Variants in RIMS2 observed in about 807,000 individuals in gnomAD.
RIMS2 encodes regulating synaptic membrane exocytosis 2, also known as regulating synaptic membrane exocytosis protein 2.
In RIMS2, 59 loss-of-function variants were observed where a neutral mutation model predicts 174.4. That is an observed-to-expected ratio of 0.34 (90% CI 0.27 to 0.42). RIMS2 has a LOEUF of 0.42. RIMS2 is among the 10% of genes least tolerant of loss of function. The pLI is 1.00. For synonymous variants in RIMS2, 606 were observed against 572.5 expected, an observed-to-expected ratio of 1.06 and a Z score of -0.84; for missense variants, 1,620 against 1,666.3, an observed-to-expected ratio of 0.97 and a Z score of 0.48.
intron 19 of RIMS2, among the ~76,000 whole-genome samples, chr8:104,118,861 C>T (rs1468163651): frequency 6.6e-6 from 1 of 152,104 alleles, no homozygotes. Context: ...TGGCAGAAAT[C>T]AGAGAAAGGG....
At chr8:104,067,479 TCC>T (rs2097125792) in intron 19 of RIMS2, among the ~76,000 whole-genome samples, 1 of 152,142 alleles carries the variant, frequency 6.6e-6, no homozygotes, top group East Asian at 1.9e-4. Context: ...CACTGCAGCC[TCC>T]CAACTCCTGG....
chr8:104,205,095 G>A (rs913302079), intron 19 of RIMS2, among the ~76,000 whole-genome samples: 4 of 152,124 alleles, frequency 2.6e-5, no homozygotes, highest in Non-Finnish European at 5.9e-5. Context: ...TCCAGATCTA[G>A]CCATCTGGAG....
rs560865208 is a variant in RIMS2, at chr8:104,041,189, C to G, written c.3334+26574C>G. On this transcript the variant is annotated intron_variant, in intron 19 of 23. Transcript: ENST00000504942. ...TGTGGAATGCATTTGATTATATCTT[C>G]CCTAAAACTGTACACAGGATTCTTT... 2.1e-5 allele frequency: 9 copies of G among 428,968 alleles called. No individual in the cohort carries two copies. In the South Asian group the frequency reaches 6.0e-4, roughly 29 times the overall value. The allele number at this position is 428,968 out of a possible 1,614,324, so 26.6% of individuals were successfully genotyped here.
At chr8:103,635,400 C>A (rs2096052595) in intron 1 of RIMS2, among the ~76,000 whole-genome samples, 1 of 152,064 alleles carries the variant, frequency 6.6e-6, no homozygotes. Flanking sequence ...GAGGCCCAGG[C>A]CTGGATGACC....
intron 2 of RIMS2, among the ~76,000 whole-genome samples, chr8:103,740,224 G>A (rs193052691): frequency 1.4e-4 from 22 of 152,244 alleles, no homozygotes; most frequent in Admixed American, 5.9e-4. Flanking sequence ...AAGAATATAC[G>A]TTGTTAACAT....
intron 19 of RIMS2, among the ~76,000 whole-genome samples, chr8:104,076,973 C>A (rs556057759): frequency 6.6e-6 from 1 of 152,136 alleles, no homozygotes; most frequent in South Asian, 2.1e-4. Flanking sequence ...CGTGCCACCA[C>A]ACCCAGCTAA....
At position 103,523,521 on chromosome 8, in the gene RIMS2, A is replaced by G. The variant is rs533297821; in HGVS notation, c.176+22459A>G. Among the ~76,000 whole-genome samples, 3 of 152,304 alleles carry G rather than the reference A, an allele frequency of 2.0e-5. No homozygotes were observed. In the South Asian group the frequency reaches 6.2e-4, roughly 32 times the overall value. On this transcript the variant is annotated intron_variant, in intron 1 of 23. Coordinates refer to ENST00000504942, the Ensembl canonical transcript of RIMS2. ...TGAAAATGGACCAGTAGGTTGGGGC[A>G]GGATTAGGCAGGGACTTGTATGACA...
chr8:104,188,232 T>TAGATAGAC (rs758993478), intron 19 of RIMS2, among the ~76,000 whole-genome samples: 1 of 134,890 alleles, frequency 7.4e-6, no homozygotes, highest in Non-Finnish European at 1.6e-5. Context: ...GATAGATAGA[T>TAGATAGAC]AGATAGATAG....
intron 3 of RIMS2, among the ~76,000 whole-genome samples, chr8:103,796,154 A>G (rs769579364): frequency 9.2e-5 from 14 of 151,988 alleles, no homozygotes; most frequent in Admixed American, 1.3e-4. Flanking sequence ...TTTCAACTTT[A>G]TTTACTGCTC....
intron 19 of RIMS2, among the ~76,000 whole-genome samples, chr8:104,097,947 G>GT (rs1282062377): frequency 3.9e-5 from 6 of 152,156 alleles, no homozygotes; most frequent in Non-Finnish European, 5.9e-5. Context: ...TTACCTCAGA[G>GT]TTTAACATTT....
chr8:104,140,599 A>T (rs1483908201), intron 19 of RIMS2, among the ~76,000 whole-genome samples: 1 of 152,152 alleles, frequency 6.6e-6, no homozygotes, highest in Admixed American at 6.5e-5. Context: ...CTTTGAACAG[A>T]ACAATTAGAG....
At chr8:103,612,703 C>A (rs2095411538) in intron 1 of RIMS2, among the ~76,000 whole-genome samples, 1 of 152,130 alleles carries the variant, frequency 6.6e-6, no homozygotes, top group Admixed American at 6.6e-5. Context: ...CTCAGCCTCT[C>A]AAGTGGCTGG....
intron 17 of RIMS2, among the ~76,000 whole-genome samples, chr8:104,008,144 A>G (rs1423410143): frequency 6.6e-6 from 1 of 152,148 alleles, no homozygotes; most frequent in African/African-American, 2.4e-5. Flanking sequence ...ATTTTATGGA[A>G]TCTGAGAATC....
At chr8:103,931,054 ATCAG>A (rs1216056529) in intron 11 of RIMS2, among the ~76,000 whole-genome samples, 4 of 152,266 alleles carry the variant, frequency 2.6e-5, no homozygotes, top group East Asian at 1.9e-4. Context: ...CACATGCTTG[ATCAG>A]TCAAACTGAA....
intron 19 of RIMS2, among the ~76,000 whole-genome samples, chr8:104,194,703 A>G (rs775550590): frequency 6.6e-6 from 1 of 152,174 alleles, no homozygotes; most frequent in Non-Finnish European, 1.5e-5. Context: ...ATAGTGTTTA[A>G]TACTGTTTGG....
chr8:103,885,578 G>A lies in RIMS2; in HGVS notation c.979G>A (p.Glu327Lys), dbSNP rs200264682. Residue 327 changes from glutamate (E) to lysine (K), a missense_variant, in exon 4 of 24, where the codon GAA becomes AAA. Coordinates refer to ENST00000504942, the Ensembl canonical transcript of RIMS2. ...TGAATACGAAAGGCAAAGGAGAGAGGAAGAGTACCAGTCACGCTACCGAAG... is the reference window on the plus strand; with the variant it reads ...TGAATACGAAAGGCAAAGGAGAGAGAAAGAGTACCAGTCACGCTACCGAAG... 3.2e-5 allele frequency: 52 copies of A among 1,612,806 alleles called. No homozygotes were observed. The highest frequency in any genetic ancestry group is 4.2e-5 in the Non-Finnish European group (50 of 1,179,388).
downstream of RIMS2, chr8:104,252,933 A>G (rs1237834786): frequency 6.6e-6 from 1 of 152,122 alleles, no homozygotes; most frequent in Non-Finnish European, 1.5e-5. Flanking sequence ...ATCCTCTCTC[A>G]TACCCCATGT....
intron 1 of RIMS2, among the ~76,000 whole-genome samples, chr8:103,666,877 G>A (rs149457994): frequency 5.9e-5 from 9 of 152,210 alleles, no homozygotes; most frequent in South Asian, 4.1e-4. Flanking sequence ...ACAGTGTGTC[G>A]TTCATAGGTT....
intron 3 of RIMS2, among the ~76,000 whole-genome samples, chr8:103,858,339 T>C: frequency 6.6e-6 from 1 of 152,096 alleles, no homozygotes; most frequent in Non-Finnish European, 1.5e-5. Flanking sequence ...AATTAAGATA[T>C]ATATGAAGGA....
Sources: gnomAD v4.1 joint callset for allele counts (sites outside exome capture counted in the v4.1 genomes callset) on GRCh38, gnomAD v4.1.1 for gene constraint, MANE v1.5 for transcripts, NCBI Gene and HGNC (gene_info 2026-07-23, HGNC 2026-07-21) for gene names.